Variants in CYP26C1 observed in about 807,000 individuals in gnomAD.
The protein encoded by CYP26C1 is cytochrome P450 family 26 subfamily C member 1, also known as cytochrome P450 26C1.
A neutral mutation model predicts 39.1 loss-of-function variants in CYP26C1; 41 were observed. The ratio of observed to expected loss-of-function variants is 1.05; its 90% CI spans 0.82 to 1.36. The LOEUF is 1.36. Among genes scored for constraint, CYP26C1 ranks in the 40% most tolerant of loss-of-function variants. CYP26C1 has a pLI of 0.00. For missense variants in CYP26C1, 833 were observed against 752.0 expected (o/e 1.11, Z -1.26); for synonymous variants, 362 against 350.8 (o/e 1.03, Z -0.36).
In CYP26C1 at chr10:93,061,346, T is replaced by A. The variant is rs756068521; in HGVS notation, c.83T>A (p.Leu28Gln). The part of the protein sequence containing the change: ...ALLCAGLLLS[L>Q]AQHLWTLRWM... ...CTGTGCGCGGGCCTGCTGCTCAGCC[T>A]GGCCCAGCACCTCTGGACCCTCCGC... Residue 28 changes from leucine to glutamine, a missense_variant, in exon 1 of 6, where the codon CTG becomes CAG. By Grantham distance (113) the Leu-to-Gln change is moderately radical (BLOSUM62 -2). Coordinates refer to ENST00000651965, the MANE Select transcript of CYP26C1 (RefSeq NM_183374.3). 3 of 1,587,418 alleles carry A rather than the reference T, an allele frequency of 1.9e-6. No individual in the cohort carries two copies. Among genetic ancestry groups the A allele is most frequent in the Non-Finnish European group, 2.6e-6 (3 of 1,167,416 alleles).
Position 93,068,393 on chromosome 10 carries a change from G to A in CYP26C1, c.1265G>A (p.Arg422His), listed in dbSNP as rs1338405377. The change falls in exon 6 of 6, where the codon CGC becomes CAC. Residue 422 changes from arginine to histidine, a missense_variant. By Grantham distance (29) the Arg-to-His change is conservative. Transcript: ENST00000651965. ...ACGCACGAGACGGCTGCGGTGTACC[G>A]CAGCCCTCCCGAAGGCTTCGATCCA... ...RDTHETAAVY[R>H]SPPEGFDPER... 1.9e-6 allele frequency: 3 copies of A among 1,606,024 alleles called. No individual in the cohort carries two copies. The highest frequency in any genetic ancestry group is 2.5e-6 in the Non-Finnish European group (3 of 1,177,156).
intron 4 of CYP26C1, 195 bp downstream of exon 4, chr10:93,064,731 T>A (rs4485042): frequency 1 from 1,295,118 of 1,297,750 alleles, 646,291 homozygotes; most frequent in East Asian, 1. Context: ...GCCTTCAGCC[T>A]CCAGCCAGCC....
rs771844999 is a variant in CYP26C1 at position 93,061,997 on chromosome 10, G to C, written c.205-13G>C. 124 of 1,551,460 alleles carry C rather than the reference G, an allele frequency of 8.0e-5. No individual in the cohort carries two copies. Among genetic ancestry groups the C allele is most frequent in the East Asian group, 5.1e-4 (21 of 41,506 alleles). ...CAGAAGTTCCAGCTCTCCACCCTCC[G>C]CCTCGCCCGCAGGGCTCGCGCTTCC... On this transcript the variant is annotated splice_polypyrimidine_tract_variant and intron_variant, in intron 1 of 5. Coordinates refer to ENST00000651965, the MANE Select transcript of CYP26C1 (RefSeq NM_183374.3).
chr10:93,062,578 G>A (rs1846765322), intron 2 of CYP26C1, 142 bp from the exon 3 acceptor site: 1 of 749,882 alleles, frequency 1.3e-6, no homozygotes, highest in African/African-American at 1.8e-5. Flanking sequence ...TGGGGGAAAT[G>A]GCGAAAGCAA....
chr10:93,062,921 G>A lies in CYP26C1; in HGVS notation c.631G>A (p.Ala211Thr), dbSNP rs979419105. The change falls in exon 3 of 6, where the codon GCC becomes ACC. Residue 211 changes from alanine (A) to threonine (T), a missense_variant. Coordinates refer to ENST00000651965, the MANE Select transcript of CYP26C1 (RefSeq NM_183374.3). ...GGACGAGGCGCAGTGCGCCACGCTG[G>A]CCCGGACCTTCGAGCAGCTCGTGGA... ...RLDEAQCATL[A>T]RTFEQLVENL... The A allele has an allele frequency of 1.2e-6, 2 of 1,605,694 alleles. No individual in the cohort carries two copies. The highest frequency in any genetic ancestry group is 2.7e-5 in the African/African-American group (2 of 74,686).
rs1031225309 is a variant in CYP26C1 at position 93,069,404 on chromosome 10, C to T, written c.*707C>T. On this transcript the variant is annotated 3_prime_UTR_variant, in exon 6 of 6. Coordinates refer to ENST00000651965, the MANE Select transcript of CYP26C1 (RefSeq NM_183374.3). ...AAGGCATTTACTCTTGTCATGTATA[C>T]AGAGGAGAATAGGCACACCAACACG... is the stretch of plus-strand genomic sequence containing the variant. 2 of 152,240 alleles carry T rather than the reference C, an allele frequency of 1.3e-5. No individual in the cohort carries two copies. Among genetic ancestry groups the T allele is most frequent in the African/African-American group, 4.8e-5 (2 of 41,454 alleles). The allele number at this position is 152,240 out of a possible 1,614,324, so 9.4% of individuals were successfully genotyped here. A position where few individuals can be genotyped will look rare whatever the true frequency, so the allele number is the denominator to read the frequency against.
chr10:93,063,586 C>T (rs12263369), intron 3 of CYP26C1: 544,214 of 985,412 alleles, frequency 0.55, 157,346 homozygotes, highest in Non-Finnish European at 0.59. Flanking sequence ...TTTGGTCCCC[C>T]TATTCTGGGA....
rs559952359 is a variant in CYP26C1 at position 93,065,734 on chromosome 10, C to T, written c.862-222C>T. Among the ~76,000 whole-genome samples, 9 of 152,332 alleles carry T rather than the reference C, an allele frequency of 5.9e-5. No homozygotes were observed. In the South Asian group the frequency reaches 1.9e-3, roughly 32 times the overall value. ...CCATCGCAAGGCGGGTGGATAGATCCTAATGTTGCCTGTTGCTACAGCTGA... is the reference window on the plus strand; with the variant it reads ...CCATCGCAAGGCGGGTGGATAGATCTTAATGTTGCCTGTTGCTACAGCTGA... On this transcript the variant is annotated intron_variant, in intron 4 of 5. Transcript: ENST00000651965.
chr10:93,063,444 G>A, intron 3 of CYP26C1: 1 of 990,172 alleles, frequency 1.0e-6, no homozygotes, highest in South Asian at 4.7e-5. Flanking sequence ...GCCAGCCCCG[G>A]ACCCAGGGGT....
intron 4 of CYP26C1, 46 bp from the exon 5 acceptor site, chr10:93,065,910 C>T: frequency 6.8e-7 from 1 of 1,471,988 alleles, no homozygotes; most frequent in Non-Finnish European, 9.0e-7. Flanking sequence ...GCGCCCCGGG[C>T]GACTCCACCG....
chr10:93,061,359 C>G lies in CYP26C1; in HGVS notation c.96C>G (p.Leu32=). The G allele has an allele frequency of 1.3e-6, 2 of 1,580,652 alleles. No individual in the cohort carries two copies. Among genetic ancestry groups the G allele is most frequent in the Non-Finnish European group, 8.6e-7 (1 of 1,163,730 alleles). The change falls in exon 1 of 6, where the codon CTC becomes CTG. Residue 32 remains leucine, a synonymous_variant. Coordinates refer to ENST00000651965, the MANE Select transcript of CYP26C1 (RefSeq NM_183374.3). ...TGCTGCTCAGCCTGGCCCAGCACCTCTGGACCCTCCGCTGGATGCTGAGCC... is the reference window on the plus strand; with the variant it reads ...TGCTGCTCAGCCTGGCCCAGCACCTGTGGACCCTCCGCTGGATGCTGAGCC... ...AGLLLSLAQH[L]WTLRWMLSRD...
chr10:93,066,257 G>A lies in CYP26C1; in HGVS notation c.1163G>A (p.Arg388His). The A allele has an allele frequency of 6.9e-7, 1 of 1,453,344 alleles. No homozygotes were observed. Among genetic ancestry groups the A allele is most frequent in the Non-Finnish European group, 9.0e-7 (1 of 1,105,102 alleles). 90.0% of individuals were successfully genotyped at this position (1,453,344 alleles called of 1,614,324 possible). ...CTGCCGCCAGTGTCCGGGGGCTACCGCACCGCCCTGCGCACCTTCGAGCTC... is the reference window on the plus strand; with the variant it reads ...CTGCCGCCAGTGTCCGGGGGCTACCACACCGCCCTGCGCACCTTCGAGCTC... ...RLLPPVSGGYRTALRTFELDG... is the reference protein window; with the variant it reads ...RLLPPVSGGYHTALRTFELDG... Residue 388 changes from arginine (R) to histidine (H), a missense_variant, in exon 5 of 6, where the codon CGC (arginine) becomes CAC (histidine). By Grantham distance (29) the Arg-to-His change is conservative (BLOSUM62 0). Coordinates refer to ENST00000651965, the MANE Select transcript of CYP26C1 (RefSeq NM_183374.3).
chr10:93,065,908 G>A, intron 4 of CYP26C1, 48 bp from the exon 5 acceptor site: 2 of 1,471,468 alleles, frequency 1.4e-6, no homozygotes, highest in Non-Finnish European at 9.0e-7. Flanking sequence ...CAGCGCCCCG[G>A]GCGACTCCAC....
At chr10:93,061,858 G>A (rs1590134807) in intron 1 of CYP26C1, 152 bp from the exon 2 acceptor site, 1 of 714,864 alleles carries the variant, frequency 1.4e-6, no homozygotes, top group Non-Finnish European at 2.3e-6. Flanking sequence ...GTACATTCCC[G>A]TAGAGTAGAT....
rs779926541 is a variant in CYP26C1 at position 93,064,472 on chromosome 10, C to T, written c.797C>T (p.Ala266Val). 5 of 1,614,052 alleles carry T rather than the reference C, an allele frequency of 3.1e-6. No homozygotes were observed. The highest frequency in any genetic ancestry group is 2.7e-5 in the African/African-American group (2 of 74,946). The change falls in exon 4 of 6, where the codon GCC becomes GTC. Residue 266 changes from alanine to valine, a missense_variant. Transcript: ENST00000651965. ...GACAAGGCTGCAGAGCCGGGTGATG[C>T]CCTCGACCTAATCATTCACAGTGCA... Reference protein sequence around the residue: ...HEDKAAEPGDALDLIIHSARE... With the variant: ...HEDKAAEPGDVLDLIIHSARE...
intron 5 of CYP26C1, 85 bp downstream of exon 5, chr10:93,066,370 C>T: frequency 8.3e-7 from 1 of 1,208,292 alleles, no homozygotes; most frequent in Non-Finnish European, 1.0e-6. Context: ...CGGCGGCGCC[C>T]AGGTGGGAGG....
At chr10:93,068,232 G>A in intron 5 of CYP26C1, 88 bp from the exon 6 acceptor site, 1 of 1,412,778 alleles carries the variant, frequency 7.1e-7, no homozygotes, top group Non-Finnish European at 9.3e-7. Context: ...TCGGAAGCCT[G>A]ATGGAAGCAC....
Position 93,061,395 on chromosome 10 carries a change from C to T in CYP26C1, c.132C>T (p.Ala44=), listed in dbSNP as rs769191626. The T allele has an allele frequency of 2.4e-5, 37 of 1,561,826 alleles. No homozygotes were observed. The highest frequency in any genetic ancestry group is 3.1e-5 in the Non-Finnish European group (36 of 1,153,258). The change falls in exon 1 of 6, where the codon GCC becomes GCT. Residue 44 remains alanine, a synonymous_variant. Coordinates refer to ENST00000651965, the MANE Select transcript of CYP26C1 (RefSeq NM_183374.3). ...TLRWMLSRDR[A]STLPLPKGSM... ...GCTGGATGCTGAGCCGGGACCGGGC[C>T]TCCACCCTGCCTCTGCCCAAGGGCT... is the stretch of plus-strand genomic sequence containing the variant.
Position 93,068,373 on chromosome 10 carries a change from C to T in CYP26C1, c.1245C>T (p.His415=), listed in dbSNP as rs768629191. ...TGATGTATAGCATCCGGGACACGCA[C>T]GAGACGGCTGCGGTGTACCGCAGCC... is the stretch of plus-strand genomic sequence containing the variant. ...WSVMYSIRDT[H]ETAAVYRSPP... is the part of the protein sequence containing the mutation. The change falls in exon 6 of 6, where the codon CAC becomes CAT. Residue 415 remains histidine (H), a synonymous_variant. Coordinates refer to ENST00000651965, the MANE Select transcript of CYP26C1 (RefSeq NM_183374.3). The T allele has an allele frequency of 1.9e-6, 3 of 1,575,946 alleles. No individual in the cohort carries two copies. The highest frequency in any genetic ancestry group is 2.6e-6 in the Non-Finnish European group (3 of 1,163,632).
Sources: allele counts gnomAD v4.1 joint callset (sites outside exome capture counted in the v4.1 genomes callset), GRCh38; gene constraint gnomAD v4.1.1; transcripts MANE v1.5; gene names NCBI Gene and HGNC (gene_info 2026-07-23, HGNC 2026-07-21).